LRP1B: variants seen among roughly 807,000 people sequenced by gnomAD.
LRP1B encodes LDL receptor related protein 1B.
In LRP1B, 217 loss-of-function variants were observed where a neutral mutation model predicts 556.6. That is an observed-to-expected ratio of 0.39 (90% CI 0.35 to 0.44). The LOEUF is 0.44. Ranked by LOEUF, LRP1B falls within the 20% of genes least tolerant of loss-of-function variation. The probability of loss-of-function intolerance (pLI) is 1.00; values close to 1 mark genes in which losing one functional copy is unlikely to be tolerated. For missense variants in LRP1B, 5,053 were observed against 5,620.8 expected (o/e 0.90, Z 3.23); for synonymous variants, 2,047 against 1,865.8 (o/e 1.10, Z -2.50).
intron 1 of LRP1B, among the ~76,000 whole-genome samples, chr2:141,960,035 A>T (rs1574533061): frequency 6.6e-6 from 1 of 151,956 alleles, no homozygotes; most frequent in Non-Finnish European, 1.5e-5. Context: ...AGACACATGC[A>T]TAAATAAGAA....
At chr2:140,305,590 A>G (rs1684031980) in intron 83 of LRP1B, among the ~76,000 whole-genome samples, 1 of 152,136 alleles carries the variant, frequency 6.6e-6, no homozygotes, top group Admixed American at 6.6e-5. Flanking sequence ...CAATCATGTT[A>G]TCTGCAAACA....
chr2:140,514,583 G>A (rs1277773772), intron 51 of LRP1B, 70 bp downstream of exon 51: 12 of 1,371,790 alleles, frequency 8.7e-6, no homozygotes, highest in Admixed American at 4.9e-5. Flanking sequence ...CAAATTTTGT[G>A]TATGCTATAA....
At chr2:141,952,558 A>T (rs1701135527) in intron 1 of LRP1B, among the ~76,000 whole-genome samples, 1 of 152,116 alleles carries the variant, frequency 6.6e-6, no homozygotes, top group Non-Finnish European at 1.5e-5. Context: ...TGGGGAAATC[A>T]CTGGGGGCTA....
At chr2:142,059,405 TA>T (rs1185415610) in intron 1 of LRP1B, among the ~76,000 whole-genome samples, 5 of 152,142 alleles carry the variant, frequency 3.3e-5, no homozygotes, top group Non-Finnish European at 5.9e-5. Context: ...CCACATCCTA[TA>T]AAAATGAGTT....
At chr2:140,801,484 C>A (rs186246020) in intron 32 of LRP1B, among the ~76,000 whole-genome samples, 40 of 152,128 alleles carry the variant, frequency 2.6e-4, no homozygotes, top group Admixed American at 1.1e-3. Context: ...GGAAGAGTTA[C>A]GGGAGCAAGG....
chr2:141,638,536 A>G (rs1689186826), intron 2 of LRP1B, among the ~76,000 whole-genome samples: 1 of 120,104 alleles, frequency 8.3e-6, no homozygotes, highest in Non-Finnish European at 2.0e-5. Context: ...GCCACAAAAG[A>G]AAGTTACCAA....
At chr2:140,735,638 A>G (rs78580063) in intron 35 of LRP1B, among the ~76,000 whole-genome samples, 173 of 152,254 alleles carry the variant, frequency 1.1e-3, no homozygotes, top group African/African-American at 3.8e-3. Flanking sequence ...GGACTCGCAG[A>G]GTTTGCAGAG....
chr2:141,074,569 G>GTC (rs368177753), intron 7 of LRP1B, among the ~76,000 whole-genome samples: 2,043 of 136,296 alleles, frequency 0.015, 47 homozygotes, highest in African/African-American at 0.05. Context: ...CTGTCTCTCT[G>GTC]TCTCTCTCTC....
At chr2:141,508,626 G>T (rs1359182947) in intron 2 of LRP1B, among the ~76,000 whole-genome samples, 1 of 140,178 alleles carries the variant, frequency 7.1e-6, no homozygotes, top group Non-Finnish European at 1.5e-5. Context: ...TGGTCTAAAA[G>T]ACAATTATCC....
At chr2:141,447,708 T>C (rs540266877) in intron 3 of LRP1B, among the ~76,000 whole-genome samples, 2 of 152,148 alleles carry the variant, frequency 1.3e-5, no homozygotes, top group Non-Finnish European at 2.9e-5. Context: ...GGAGGTCCAC[T>C]CCAGACCCTG....
At chr2:140,307,001 T>G (rs964592959) in intron 83 of LRP1B, among the ~76,000 whole-genome samples, 3 of 152,036 alleles carry the variant, frequency 2.0e-5, no homozygotes, top group Non-Finnish European at 4.4e-5. Context: ...AAAATGGAAA[T>G]GTCTTGGAAT....
intron 3 of LRP1B, among the ~76,000 whole-genome samples, chr2:141,421,745 T>A: frequency 6.6e-6 from 1 of 152,128 alleles, no homozygotes; most frequent in East Asian, 1.9e-4. Flanking sequence ...AGAGAGGGCC[T>A]TATGCACTTT....
chr2:140,805,454 T>C (rs1423006396), intron 32 of LRP1B, among the ~76,000 whole-genome samples: 1 of 152,174 alleles, frequency 6.6e-6, no homozygotes, highest in Non-Finnish European at 1.5e-5. Flanking sequence ...CAGATATTTA[T>C]AGGAAGCACA....
intron 2 of LRP1B, among the ~76,000 whole-genome samples, chr2:141,776,150 T>C (rs7558916): frequency 0.43 from 65,759 of 151,978 alleles, 15,579 homozygotes; most frequent in Admixed American, 0.54. Context: ...CCGCCAAGTT[T>C]TCCTATATTT....
At chr2:140,427,002 C>T (rs969975489) in intron 66 of LRP1B, among the ~76,000 whole-genome samples, 1 of 152,156 alleles carries the variant, frequency 6.6e-6, no homozygotes, top group Non-Finnish European at 1.5e-5. Flanking sequence ...ATCCCTCAAC[C>T]TCTTTCTCCT....
Position 140,247,063 on chromosome 2 carries a change from A to T in LRP1B, c.13324+23T>A. ...ATTTATATACAGTGTAGATTACCCA[A>T]AATATTAATCTGAGAAACTTACTTG... On this transcript the variant is annotated intron_variant, in intron 87 of 90. Transcript: ENST00000389484. 5 of 1,572,918 alleles carry T rather than the reference A, an allele frequency of 3.2e-6. No individual in the cohort carries two copies. In the East Asian group the frequency reaches 1.1e-4, roughly 36 times the overall value.
chr2:140,410,739 T>TA (rs1273728722), intron 66 of LRP1B, among the ~76,000 whole-genome samples: 1 of 152,184 alleles, frequency 6.6e-6, no homozygotes, highest in Non-Finnish European at 1.5e-5. Flanking sequence ...AATGCATTAC[T>TA]ACAAACAGCA....
chr2:142,028,144 C>T (rs1703569630), intron 1 of LRP1B, among the ~76,000 whole-genome samples: 1 of 151,926 alleles, frequency 6.6e-6, no homozygotes, highest in Non-Finnish European at 1.5e-5. Flanking sequence ...TTGCTCTTGT[C>T]TTAAGGAGCT....
At chr2:140,618,363 G>A (rs1683330824) in intron 41 of LRP1B, among the ~76,000 whole-genome samples, 1 of 151,960 alleles carries the variant, frequency 6.6e-6, no homozygotes, top group Non-Finnish European at 1.5e-5. Context: ...GGCACAAGAT[G>A]TAAAAACCAA....
Sources: gnomAD v4.1 joint callset for allele counts (sites outside exome capture counted in the v4.1 genomes callset) on GRCh38, gnomAD v4.1.1 for gene constraint, MANE v1.5 for transcripts, NCBI Gene and HGNC (gene_info 2026-07-23, HGNC 2026-07-21) for gene names.